The following MAP2K5 variants were observed in gnomAD, a reference collection of about 807,000 sequenced individuals.
MAP2K5 encodes the protein dual specificity mitogen-activated protein kinase kinase 5.
A neutral mutation model predicts 83.1 loss-of-function variants in MAP2K5; 49 were observed. The observed-to-expected ratio is 0.59, with a 90% CI of 0.47 to 0.75. MAP2K5 has a LOEUF of 0.75. MAP2K5 is among the 30% of genes least tolerant of loss of function. The pLI is 0.00. For synonymous variants in MAP2K5, 202 were observed against 191.8 expected, an observed-to-expected ratio of 1.05 and a Z score of -0.44; for missense variants, 457 against 557.5, an observed-to-expected ratio of 0.82 and a Z score of 1.82.
chr15:67,618,863 C>T (rs1263113859), intron 8 of MAP2K5, among the ~76,000 whole-genome samples: 2 of 152,172 alleles, frequency 1.3e-5, no homozygotes, highest in African/African-American at 4.8e-5. Context: ...ACTAGCCTCC[C>T]AGTTTCTATC....
chr15:67,657,044 A>C (rs1042265636), intron 11 of MAP2K5, among the ~76,000 whole-genome samples: 7 of 152,192 alleles, frequency 4.6e-5, no homozygotes, highest in African/African-American at 1.7e-4. Flanking sequence ...GATGGCACAG[A>C]GCCAGCTGTG....
At chr15:67,695,532 G>A (rs2088230904) in intron 15 of MAP2K5, among the ~76,000 whole-genome samples, 2 of 152,156 alleles carry the variant, frequency 1.3e-5, no homozygotes, top group South Asian at 4.1e-4. Context: ...AGATTGGTGA[G>A]CCACCTTTAT....
chr15:67,560,072 T>C (rs766746470), intron 2 of MAP2K5, among the ~76,000 whole-genome samples: 2 of 152,258 alleles, frequency 1.3e-5, no homozygotes, highest in East Asian at 3.8e-4. Flanking sequence ...GCTGTATATA[T>C]CCAAGTTTTT....
chr15:67,609,097 TC>T (rs2085848683), intron 8 of MAP2K5, among the ~76,000 whole-genome samples: 1 of 152,148 alleles, frequency 6.6e-6, no homozygotes, highest in Non-Finnish European at 1.5e-5. Flanking sequence ...AGAAAAGAAT[TC>T]CCACTTTGAC....
At chr15:67,604,317 T>G (rs1001713262) in intron 8 of MAP2K5, among the ~76,000 whole-genome samples, 8 of 152,252 alleles carry the variant, frequency 5.3e-5, no homozygotes, top group Admixed American at 4.6e-4. Flanking sequence ...AAGAAAAGTT[T>G]AGGAAAAGAT....
intron 2 of MAP2K5, among the ~76,000 whole-genome samples, chr15:67,557,776 T>C (rs1567271352): frequency 6.6e-6 from 1 of 152,196 alleles, no homozygotes; most frequent in Non-Finnish European, 1.5e-5. Flanking sequence ...TTAAGAATAG[T>C]TGGGTGGGAG....
At chr15:67,554,311 A>G (rs890906444) in intron 2 of MAP2K5, among the ~76,000 whole-genome samples, 10 of 152,192 alleles carry the variant, frequency 6.6e-5, no homozygotes, top group African/African-American at 1.9e-4. Flanking sequence ...CATGCTCCTC[A>G]GCCTCTCAAA....
At chr15:67,553,969 A>G (rs1005335380) in intron 2 of MAP2K5, among the ~76,000 whole-genome samples, 2 of 151,266 alleles carry the variant, frequency 1.3e-5, no homozygotes, top group African/African-American at 2.4e-5. Context: ...TATAGCTTAT[A>G]AGGAATTTTG....
intron 21 of MAP2K5, among the ~76,000 whole-genome samples, chr15:67,799,945 G>A (rs1283889205): frequency 1.3e-5 from 2 of 152,168 alleles, no homozygotes; most frequent in African/African-American, 4.8e-5. Context: ...AGAGTGGGGG[G>A]CGGTGGGGGG....
In MAP2K5 at chr15:67,748,615, T is replaced by G; in HGVS notation, c.1134+14T>G. 1 of 1,613,118 alleles carries G rather than the reference T, an allele frequency of 6.2e-7. No individual in the cohort carries two copies. Among genetic ancestry groups the G allele is most frequent in the Non-Finnish European group, 8.5e-7 (1 of 1,179,158 alleles). Reference sequence around the variant, plus strand: ...ATTGTTGATGAGGTGAGGCATCGTCTTATGTGCTTTCACTCCTAAAGTCAT... The same window carrying G: ...ATTGTTGATGAGGTGAGGCATCGTCGTATGTGCTTTCACTCCTAAAGTCAT... On this transcript the variant is annotated intron_variant, in intron 19 of 21. Coordinates refer to ENST00000178640, the MANE Select transcript of MAP2K5 (RefSeq NM_145160.3). This position sits in a 1 kb window ranked among gnomAD's most constrained non-coding sequence, Gnocchi z 4.0.
rs777501030 is a variant in MAP2K5, at chr15:67,580,790, C to A, written c.289C>A (p.Gln97Lys). The change falls in exon 4 of 22, where the codon CAG (glutamine) becomes AAG (lysine). Residue 97 changes from glutamine (Q) to lysine (K), a missense_variant. Around this residue, in one of 3 missense-constraint regions of MAP2K5, gnomAD observed 234 missense variants for 243.6 expected, o/e 0.96. Transcript: ENST00000178640. ...AGTAATGGAACAGCAAGTAAATGGA[C>A]AGTTAATAGAGCCTCTGCAGATATT... The part of the protein sequence containing the change: ...STVMEQQVNG[Q>K]LIEPLQIFPR... 4 of 1,609,068 alleles carry A rather than the reference C, an allele frequency of 2.5e-6. No homozygotes were observed. The South Asian group carries it at 4.4e-5, about 18-fold the overall frequency.
At chr15:67,618,671 A>G (rs1258245925) in intron 8 of MAP2K5, among the ~76,000 whole-genome samples, 1 of 152,168 alleles carries the variant, frequency 6.6e-6, no homozygotes, top group Admixed American at 6.5e-5. Flanking sequence ...AAGGACAAAA[A>G]CTTTGCAGTC....
intron 4 of MAP2K5, among the ~76,000 whole-genome samples, chr15:67,585,072 G>C (rs2085260628): frequency 2.6e-5 from 1 of 39,132 alleles, no homozygotes; most frequent in Non-Finnish European, 5.2e-5. Flanking sequence ...ATCTGAGAGA[G>C]GAGCAAAAAA....
At chr15:67,723,152 ATAAT>A (rs1344382373) in intron 16 of MAP2K5, among the ~76,000 whole-genome samples, 1 of 152,154 alleles carries the variant, frequency 6.6e-6, no homozygotes, top group Non-Finnish European at 1.5e-5. Context: ...TTCTATGACA[ATAAT>A]TATTTTTATT....
chr15:67,630,172 T>C (rs1033096323), intron 8 of MAP2K5, among the ~76,000 whole-genome samples: 2 of 152,208 alleles, frequency 1.3e-5, no homozygotes, highest in Non-Finnish European at 2.9e-5. Flanking sequence ...AGTTTGAGGC[T>C]GCAGTGATCT....
chr15:67,575,684 T>G (rs2085040314), intron 3 of MAP2K5, among the ~76,000 whole-genome samples: 1 of 152,128 alleles, frequency 6.6e-6, no homozygotes, highest in African/African-American at 2.4e-5. Flanking sequence ...AAGGAGTAAT[T>G]TTTTTGTTTG....
At chr15:67,646,533 G>T in intron 11 of MAP2K5, 64 bp downstream of exon 11, 1 of 834,232 alleles carries the variant, frequency 1.2e-6, no homozygotes. Context: ...TTTAAAACCT[G>T]GTTTTGATAT....
intron 8 of MAP2K5, among the ~76,000 whole-genome samples, chr15:67,630,248 T>G (rs1480921460): frequency 2.0e-5 from 3 of 152,184 alleles, no homozygotes; most frequent in African/African-American, 7.2e-5. Flanking sequence ...AGTCAGTCAC[T>G]CAATCAGATA....
At chr15:67,789,779 C>G (rs2090483458) in intron 21 of MAP2K5, among the ~76,000 whole-genome samples, 1 of 151,254 alleles carries the variant, frequency 6.6e-6, no homozygotes, top group Admixed American at 6.6e-5. Flanking sequence ...AGGATTAACA[C>G]TTCTTTCATA....
Sources: allele counts gnomAD v4.1 joint callset (sites outside exome capture counted in the v4.1 genomes callset), GRCh38; gene constraint gnomAD v4.1.1; regional missense constraint gnomAD v4.1.1; non-coding constraint Gnocchi (gnomAD v3.1); transcripts MANE v1.5; gene names NCBI Gene and HGNC (gene_info 2026-07-23, HGNC 2026-07-21).